Variants in FMN2 observed in about 807,000 individuals in gnomAD.
The protein encoded by FMN2 is formin 2.
In FMN2, 51 loss-of-function variants were observed where a neutral mutation model predicts 142.3. The observed-to-expected ratio is 0.36, with a 90% confidence interval of 0.29 to 0.45. The LOEUF is 0.45. Among genes scored for constraint, FMN2 ranks in the 20% least tolerant of loss-of-function variants. The probability of loss-of-function intolerance (pLI) is 1.00; values close to 1 mark genes in which losing one functional copy is unlikely to be tolerated. For missense variants in FMN2, 1,936 were observed against 2,122.8 expected (o/e 0.91, Z 1.73); for synonymous variants, 882 against 869.8 (o/e 1.01, Z -0.25).
chr1:240,339,124 A>G lies in FMN2; in HGVS notation c.4765+4895A>G, dbSNP rs575198629. 2.6e-5 allele frequency among the ~76,000 whole-genome samples: 4 copies of G among 152,052 alleles called. No homozygotes were observed. The East Asian group carries it at 5.8e-4, about 22-fold the overall frequency. ...ATGAAGCTTTGCTTGCTTGCTGGCCACTCACCTCCTGCTGGGTGTCCCGGC... is the reference window on the plus strand; with the variant it reads ...ATGAAGCTTTGCTTGCTTGCTGGCCGCTCACCTCCTGCTGGGTGTCCCGGC... On this transcript the variant is annotated intron_variant, in intron 13 of 17. Coordinates refer to ENST00000319653, the MANE Select transcript of FMN2 (RefSeq NM_020066.5).
chr1:240,184,973 CCTTCCCCTTCTCTTTCTCCCTCCTAT>C (rs1558344902), intron 3 of FMN2, among the ~76,000 whole-genome samples: 5 of 133,598 alleles, frequency 3.7e-5, no homozygotes, highest in African/African-American at 1.4e-4. Context: ...CCCTCCTATA[CCTTCCCCTTCTCTTTCTCCCTCCTAT>C]ACCTTCCCCT....
chr1:240,293,471 C>G (rs1228783886), intron 7 of FMN2, among the ~76,000 whole-genome samples: 3 of 152,136 alleles, frequency 2.0e-5, no homozygotes, highest in African/African-American at 7.2e-5. Flanking sequence ...TAATTCCATA[C>G]ATAAATTTAC....
At chr1:240,287,576 T>G (rs952844291) in intron 7 of FMN2, among the ~76,000 whole-genome samples, 4 of 152,216 alleles carry the variant, frequency 2.6e-5, no homozygotes, top group Non-Finnish European at 5.9e-5. Context: ...TCTATGTTAC[T>G]ATCAGTACAA....
chr1:240,213,789 T>G (rs1666782988), intron 6 of FMN2, among the ~76,000 whole-genome samples: 1 of 152,244 alleles, frequency 6.6e-6, no homozygotes, highest in Non-Finnish European at 1.5e-5. Flanking sequence ...CTGTGATCTC[T>G]GTTCTCCTTG....
intron 2 of FMN2, chr1:240,145,045 A>G (rs1393806452): frequency 1.4e-6 from 2 of 1,399,726 alleles, no homozygotes; most frequent in Non-Finnish European, 2.0e-6. Context: ...CCATGTTCTC[A>G]TACATTTCCT....
rs114476875 is a variant in FMN2 at position 240,442,598 on chromosome 1, A to G, written c.5060+4388A>G. 4.6e-3 allele frequency among the ~76,000 whole-genome samples: 701 copies of G among 152,318 alleles called. 6 individuals are homozygous for G. Among genetic ancestry groups the G allele is most frequent in the African/African-American group, 0.016 (664 of 41,580 alleles). On this transcript the variant is annotated intron_variant, in intron 16 of 17. Transcript: ENST00000319653. ...TAATGGTGTCCTTGAAATTTTTCTG[A>G]TAGAATTTTCCTTGGAATAGTTTGG...
chr1:240,154,834 T>TTCCTTCCTTCCTTCCG, intron 2 of FMN2: 1 of 94,398 alleles, frequency 1.1e-5, no homozygotes, highest in East Asian at 2.9e-4. Flanking sequence ...CCTTCCTTCC[T>TTCCTTCCTTCCTTCCG]TCCTTCCTTC....
chr1:240,220,162 G>T (rs1667051423), intron 6 of FMN2, among the ~76,000 whole-genome samples: 1 of 152,070 alleles, frequency 6.6e-6, no homozygotes, highest in Non-Finnish European at 1.5e-5. Flanking sequence ...ACAAAAAATT[G>T]TGTAAAATCT....
At chr1:240,438,612 A>C (rs2103181177) in intron 16 of FMN2, among the ~76,000 whole-genome samples, 1 of 152,350 alleles carries the variant, frequency 6.6e-6, no homozygotes, top group Non-Finnish European at 1.5e-5. Flanking sequence ...TTGTCAGTTT[A>C]CCACTCATAT....
intron 15 of FMN2, among the ~76,000 whole-genome samples, chr1:240,434,538 TTTGTTTTTTGTTTTTTG>T (rs1346833929): frequency 2.9e-5 from 3 of 103,540 alleles, no homozygotes; most frequent in East Asian, 9.4e-4. Flanking sequence ...TTTTTTTTGT[TTTGTTTTTTGTTTTTTG>T]TTTTTTTTTG....
chr1:240,170,423 C>A (rs544221120), intron 2 of FMN2: 6 of 1,261,270 alleles, frequency 4.8e-6, no homozygotes, highest in African/African-American at 4.4e-5. Flanking sequence ...AAGCTGAAGG[C>A]GGGTGATAAC....
chr1:240,228,417 A>G (rs918806923), intron 6 of FMN2, among the ~76,000 whole-genome samples: 1 of 151,832 alleles, frequency 6.6e-6, no homozygotes, highest in African/African-American at 2.4e-5. Flanking sequence ...ACTCTCAAAT[A>G]AGCACATAAA....
In FMN2 at chr1:240,171,330, T is replaced by C. The variant is rs188249439; in HGVS notation, c.1783-6591T>C. Reference sequence around the variant, plus strand: ...AAAACCAGCGTCCATCCTGTCGTGATGTGATGGGAGCAGCCTAACAGGCAG... The same window carrying C: ...AAAACCAGCGTCCATCCTGTCGTGACGTGATGGGAGCAGCCTAACAGGCAG... On this transcript the variant is annotated intron_variant, in intron 2 of 17. Coordinates refer to ENST00000319653, the MANE Select transcript of FMN2 (RefSeq NM_020066.5). 8.8e-4 allele frequency: 593 copies of C among 670,154 alleles called. 5 individuals are homozygous for C. The African/African-American group carries it at 9.1e-3, about 10-fold the overall frequency. The allele number at this position is 670,154 out of a possible 1,614,324, so 41.5% of individuals were successfully genotyped here.
chr1:240,468,227 T>TTCACACACACACATATATAC (rs1676687476), intron 16 of FMN2, among the ~76,000 whole-genome samples: 2 of 117,994 alleles, frequency 1.7e-5, no homozygotes, highest in African/African-American at 7.8e-5. Flanking sequence ...TGTGTGTGTG[T>TTCACACACACACATATATAC]GTGTGTATTC....
chr1:240,233,339 C>T (rs996326734), intron 6 of FMN2, among the ~76,000 whole-genome samples: 3 of 150,916 alleles, frequency 2.0e-5, no homozygotes, highest in East Asian at 2.0e-4. Flanking sequence ...GAGCCGAGAT[C>T]GCACCACTGC....
At chr1:240,167,085 G>A (rs1664510693) in intron 2 of FMN2, among the ~76,000 whole-genome samples, 2 of 152,192 alleles carry the variant, frequency 1.3e-5, no homozygotes, top group South Asian at 4.1e-4. Flanking sequence ...TTGTGCCATT[G>A]CACTTGAGCC....
In FMN2 at chr1:240,465,330, CTGTGTGTGTGTGTGTG is replaced by C. The variant is rs58873062; in HGVS notation, c.5061-7000_5061-6985del. ...CACACTCCCTACCTTATGCCTCCCTCTGTGTGTGTGTGTGTGTGTGTGTGTGTGTGTGTGTGTGTGT... is the reference window on the plus strand; with the variant it reads ...CACACTCCCTACCTTATGCCTCCCTCTGTGTGTGTGTGTGTGTGTGTGTGT... On this transcript the variant is annotated intron_variant, in intron 16 of 17. Transcript: ENST00000319653. Among the ~76,000 whole-genome samples the C allele has an allele frequency of 4.5e-3, 588 of 131,654 alleles. 9 individuals are homozygous for C. The highest frequency in any genetic ancestry group is 0.017 in the South Asian group (63 of 3,632). The allele number at this position is 131,654 out of a possible 152,430, so 86.4% of individuals were successfully genotyped here. A position where few individuals can be genotyped will look rare whatever the true frequency, so the allele number is the denominator to read the frequency against.
At chr1:240,353,756 C>T (rs1224509015) in intron 13 of FMN2, among the ~76,000 whole-genome samples, 2 of 152,120 alleles carry the variant, frequency 1.3e-5, no homozygotes, top group African/African-American at 4.8e-5. Flanking sequence ...GTACAGGTAA[C>T]ATGCTTAATG....
At chr1:240,244,912 T>G (rs1223709765) in intron 6 of FMN2, among the ~76,000 whole-genome samples, 2 of 152,246 alleles carry the variant, frequency 1.3e-5, no homozygotes, top group Non-Finnish European at 2.9e-5. Context: ...GTTTACTTAT[T>G]CAGCGGACAT....
Sources: allele counts gnomAD v4.1 joint callset (sites outside exome capture counted in the v4.1 genomes callset), GRCh38; gene constraint gnomAD v4.1.1; transcripts MANE v1.5; gene names NCBI Gene and HGNC (gene_info 2026-07-23, HGNC 2026-07-21).